CSMD1: variants seen among roughly 807,000 people sequenced by gnomAD.
CSMD1 encodes CUB and Sushi multiple domains 1.
Under a neutral mutation model 417.5 loss-of-function variants are expected in CSMD1, and 213 were observed. The ratio of observed to expected loss-of-function variants is 0.51; its 90% CI spans 0.46 to 0.57. CSMD1 has a LOEUF of 0.57. Ranked by LOEUF, CSMD1 falls within the 20% of genes least tolerant of loss-of-function variation. The probability of loss-of-function intolerance (pLI) is 0.00; values close to 1 mark genes in which losing one functional copy is unlikely to be tolerated. For missense variants in CSMD1, 6,923 were observed against 4,529.7 expected (o/e 1.53, Z -15.17); for synonymous variants, 2,862 against 1,736.8 (o/e 1.65, Z -16.11).
At chr8:3,390,244 A>G (rs1811266536) in intron 17 of CSMD1, among the ~76,000 whole-genome samples, 1 of 149,756 alleles carries the variant, frequency 6.7e-6, no homozygotes, top group Admixed American at 6.8e-5. Context: ...AATCCCAGCT[A>G]CTTGGGAGGC....
intron 3 of CSMD1, among the ~76,000 whole-genome samples, chr8:4,197,642 G>T (rs1799416106): frequency 6.6e-6 from 1 of 152,172 alleles, no homozygotes; most frequent in African/African-American, 2.4e-5. Context: ...ATTTTGGGAG[G>T]CCGAGGCAGG....
intron 2 of CSMD1, among the ~76,000 whole-genome samples, chr8:4,505,011 CTG>C (rs1802448139): frequency 1.3e-5 from 2 of 152,234 alleles, no homozygotes; most frequent in African/African-American, 4.8e-5. Context: ...AATGGGATTG[CTG>C]TGTCAAATGG....
intron 1 of CSMD1, among the ~76,000 whole-genome samples, chr8:4,773,634 G>T (rs1265276312): frequency 6.6e-6 from 1 of 152,082 alleles, no homozygotes; most frequent in Non-Finnish European, 1.5e-5. Context: ...CTCCTTTTGG[G>T]TTATTGAACG....
In CSMD1 at chr8:3,326,169, G is replaced by A. The variant is rs529204680; in HGVS notation, c.3631+17125C>T. Among the ~76,000 whole-genome samples, 9 of 152,292 alleles carry A rather than the reference G, an allele frequency of 5.9e-5. 1 individual carries two copies. In the South Asian group the frequency reaches 1.9e-3, roughly 32 times the overall value. ...GGGACGTTCGACAACATCATACACT[G>A]ACAGTTCCGTCTTCGCGATGATATA... On this transcript the variant is annotated intron_variant, in intron 23 of 69. Coordinates refer to ENST00000635120, the MANE Select transcript of CSMD1 (RefSeq NM_033225.6).
chr8:3,359,045 C>A (rs1808983437), intron 21 of CSMD1, 107 bp downstream of exon 21: 5 of 1,022,440 alleles, frequency 4.9e-6, no homozygotes, highest in Non-Finnish European at 7.4e-6. Context: ...TTCACCCTCT[C>A]CTTCCTTGTC....
intron 3 of CSMD1, among the ~76,000 whole-genome samples, chr8:4,131,364 A>T (rs1387676901): frequency 6.6e-6 from 1 of 152,184 alleles, no homozygotes; most frequent in Non-Finnish European, 1.5e-5. Context: ...CACGCTCCTC[A>T]AAATAATATT....
chr8:4,208,066 G>A (rs563858184), intron 3 of CSMD1, among the ~76,000 whole-genome samples: 5 of 152,086 alleles, frequency 3.3e-5, no homozygotes, highest in African/African-American at 4.8e-5. Context: ...CTTTTGTTCA[G>A]ATATGTGTTT....
chr8:3,553,029 A>G (rs910117014), intron 10 of CSMD1, among the ~76,000 whole-genome samples: 1 of 152,144 alleles, frequency 6.6e-6, no homozygotes, highest in Non-Finnish European at 1.5e-5. Flanking sequence ...GTAGTTTTGC[A>G]GAAGAATACT....
At position 3,308,461 on chromosome 8, in the gene CSMD1, T is replaced by G; in HGVS notation, c.3674A>C (p.Tyr1225Ser). ...VKCEDPGIPN[Y>S]GYRIRDEGHF... The stretch of plus-strand genomic sequence containing the variant: ...GCCTTCATCACGGATCCTATAGCCG[T>G]AGTTAGGGATGCCCGGATCCTCACA... Residue 1225 changes from tyrosine to serine, a missense_variant, in exon 24 of 70, where the codon TAC becomes TCC. Coordinates refer to ENST00000635120, the MANE Select transcript of CSMD1 (RefSeq NM_033225.6). 1 of 1,613,470 alleles carries G rather than the reference T, an allele frequency of 6.2e-7. No homozygotes were observed. The highest frequency in any genetic ancestry group is 8.5e-7 in the Non-Finnish European group (1 of 1,179,586).
intron 3 of CSMD1, among the ~76,000 whole-genome samples, chr8:4,255,167 C>T (rs763193130): frequency 1.3e-5 from 2 of 152,156 alleles, no homozygotes; most frequent in Non-Finnish European, 2.9e-5. Flanking sequence ...AGAGCTTTAT[C>T]CCATGCTGGA....
chr8:2,978,696 T>G lies in CSMD1; in HGVS notation c.8482A>C (p.Lys2828Gln), dbSNP rs771453442. 3 of 1,612,510 alleles carry G rather than the reference T, an allele frequency of 1.9e-6. No individual in the cohort carries two copies. The highest frequency in any genetic ancestry group is 2.5e-6 in the Non-Finnish European group (3 of 1,179,260). ...GATCCCAGCAAGTAAAATCCCTTCT[T>G]GCAATGGTACAGGATACTCATTCCA... is the stretch of plus-strand genomic sequence containing the variant. ...EYGMSILYHC[K>Q]KGFYLLGSSA... The change falls in exon 55 of 70, where the codon AAG becomes CAG. Residue 2828 changes from lysine (K) to glutamine (Q), a missense_variant. Lys to Gln is a moderately conservative substitution (Grantham distance 53, BLOSUM62 1). Coordinates refer to ENST00000635120, the MANE Select transcript of CSMD1 (RefSeq NM_033225.6).
chr8:3,913,251 C>T (rs1050329533), intron 5 of CSMD1, among the ~76,000 whole-genome samples: 5 of 152,118 alleles, frequency 3.3e-5, no homozygotes, highest in East Asian at 1.9e-4. Context: ...ATCCTTGGCA[C>T]GAGAATGACA....
At chr8:4,335,061 C>T (rs949796881) in intron 3 of CSMD1, among the ~76,000 whole-genome samples, 1 of 152,096 alleles carries the variant, frequency 6.6e-6, no homozygotes, top group Non-Finnish European at 1.5e-5. Context: ...ACCACCATAT[C>T]TGACTAATTT....
At chr8:4,476,261 A>C (rs1800798496) in intron 2 of CSMD1, among the ~76,000 whole-genome samples, 1 of 152,174 alleles carries the variant, frequency 6.6e-6, no homozygotes, top group South Asian at 2.1e-4. Context: ...TATACTTTTT[A>C]TTCATCATGA....
chr8:4,935,378 C>T (rs1377370427), intron 1 of CSMD1, among the ~76,000 whole-genome samples: 1 of 152,200 alleles, frequency 6.6e-6, no homozygotes, highest in Non-Finnish European at 1.5e-5. Context: ...TTACCTCCTG[C>T]ACATGCACCT....
intron 3 of CSMD1, among the ~76,000 whole-genome samples, chr8:4,302,248 T>C (rs1038187467): frequency 3.9e-5 from 6 of 152,284 alleles, no homozygotes; most frequent in African/African-American, 1.2e-4. Flanking sequence ...AATGTAGTGT[T>C]TTAGGTGATG....
chr8:3,269,870 A>G (rs1387569527), intron 26 of CSMD1, among the ~76,000 whole-genome samples: 1 of 152,038 alleles, frequency 6.6e-6, no homozygotes, highest in African/African-American at 2.4e-5. Flanking sequence ...TGGGGTTTGG[A>G]TATCTCATGA....
intron 4 of CSMD1, among the ~76,000 whole-genome samples, chr8:4,014,174 G>A (rs115732558): frequency 1.2e-4 from 19 of 152,108 alleles, no homozygotes; most frequent in African/African-American, 4.3e-4. Flanking sequence ...CATTAGAAAT[G>A]CATTCATTAA....
At chr8:3,225,966 C>T (rs1048288459) in intron 27 of CSMD1, among the ~76,000 whole-genome samples, 1 of 152,194 alleles carries the variant, frequency 6.6e-6, no homozygotes, top group Non-Finnish European at 1.5e-5. Context: ...CCCACCAACC[C>T]TTTTACAAAA....
Sources: allele counts gnomAD v4.1 joint callset (sites outside exome capture counted in the v4.1 genomes callset), GRCh38; gene constraint gnomAD v4.1.1; transcripts MANE v1.5; gene names NCBI Gene and HGNC (gene_info 2026-07-23, HGNC 2026-07-21).